The following HSP90B1 variants were observed in gnomAD, a reference collection of about 807,000 sequenced individuals.
HSP90B1 encodes the protein heat shock protein 90 beta family member 1, also known as endoplasmin.
HSP90B1 carries 27 observed loss-of-function variants against 100.4 expected under a neutral mutation model. That is an observed-to-expected ratio of 0.27 (90% CI 0.20 to 0.37). The LOEUF (loss-of-function observed/expected upper bound fraction) is 0.37, where lower values mean the gene tolerates loss of function less well. HSP90B1 is among the 10% of genes least tolerant of loss of function. The probability of loss-of-function intolerance (pLI) is 1.00; values close to 1 mark genes in which losing one functional copy is unlikely to be tolerated. For synonymous variants in HSP90B1, 304 were observed against 330.8 expected, an observed-to-expected ratio of 0.92 and a Z score of 0.88; for missense variants, 678 against 960.5, an observed-to-expected ratio of 0.71 and a Z score of 3.89.
At position 103,943,390 on chromosome 12, in the gene HSP90B1, T is replaced by C; in HGVS notation, c.1890+71T>C. Reference sequence around the variant, plus strand: ...AAGAGAAAGTTATTTTGTGAACAAATTAAGCTGCAGCTGGTTACTTTGTAA... The same window carrying C: ...AAGAGAAAGTTATTTTGTGAACAAACTAAGCTGCAGCTGGTTACTTTGTAA... On this transcript the variant is annotated intron_variant, in intron 13 of 17. Transcript: ENST00000299767. This position sits in a 1 kb window ranked among gnomAD's most constrained non-coding sequence, Gnocchi z 5.3. 7.1e-7 allele frequency: 1 copy of C among 1,418,034 alleles called. No individual in the cohort carries two copies. Among genetic ancestry groups the C allele is most frequent in the Non-Finnish European group, 9.9e-7 (1 of 1,012,738 alleles). 87.8% of individuals were successfully genotyped at this position (1,418,034 alleles called of 1,614,324 possible). A position where few individuals can be genotyped will look rare whatever the true frequency, so the allele number is the denominator to read the frequency against.
In HSP90B1 at chr12:103,941,429, C is replaced by CTTATA; in HGVS notation, c.1115_1119dup (p.His374IlefsTer54). 6.2e-7 allele frequency: 1 copy of CTTATA among 1,612,376 alleles called. No homozygotes were observed. Among genetic ancestry groups the CTTATA allele is most frequent in the Non-Finnish European group, 8.5e-7 (1 of 1,179,814 alleles). ...CCACAGGAAAGTGATGACCCCATGG[C>CTTATA]TTATATTCACTTTACTGCTGAAGGG... On this transcript the variant is annotated frameshift_variant, in exon 9 of 18. Coordinates refer to ENST00000299767, the MANE Select transcript of HSP90B1 (RefSeq NM_003299.3). LOFTEE classifies it high-confidence loss of function.
intron 14 of HSP90B1, among the ~76,000 whole-genome samples, chr12:103,944,569 TC>T (rs1270714099): frequency 6.6e-6 from 1 of 151,558 alleles, no homozygotes; most frequent in Non-Finnish European, 1.5e-5. Flanking sequence ...TTTTTTTTTT[TC>T]CCCCGAGACA....
Position 103,942,600 on chromosome 12 carries a change from C to A in HSP90B1, c.1448C>A (p.Thr483Asn). The change falls in exon 12 of 18, where the codon ACT becomes AAT. Residue 483 changes from threonine (T) to asparagine (N), a missense_variant. Physicochemically the swap from Thr to Asn is moderately conservative, Grantham distance 65. Coordinates refer to ENST00000299767, the MANE Select transcript of HSP90B1 (RefSeq NM_003299.3). ...ATTGCTGATGATAAATACAATGATA[C>A]TTTTTGGAAAGAATTTGGTACCAAC... ...KKIADDKYND[T>N]FWKEFGTNIK... is the part of the protein sequence containing the mutation. 1 of 1,613,908 alleles carries A rather than the reference C, an allele frequency of 6.2e-7. No homozygotes were observed. The highest frequency in any genetic ancestry group is 1.1e-5 in the South Asian group (1 of 91,074).
At chr12:103,939,238 C>CACAGACACACACCACCA (rs1555271342) in intron 7 of HSP90B1, among the ~76,000 whole-genome samples, 20 of 148,638 alleles carry the variant, frequency 1.3e-4, no homozygotes, top group African/African-American at 4.0e-4. Flanking sequence ...TAGCTAGGAC[C>CACAGACACACACCACCA]ACAGACACAC....
In HSP90B1 at chr12:103,942,555, C is replaced by T. The variant is rs772910819; in HGVS notation, c.1403C>T (p.Thr468Met). Residue 468 changes from threonine to methionine, a missense_variant, in exon 12 of 18, where the codon ACG (threonine) becomes ATG (methionine). Around this residue, in one of 8 missense-constraint regions of HSP90B1, gnomAD observed 170 missense variants for 236.7 expected, o/e 0.72. Coordinates refer to ENST00000299767, the MANE Select transcript of HSP90B1 (RefSeq NM_003299.3). ...ATTAGGAAGAAGCTTGTTCGTAAAA[C>T]GCTGGACATGATCAAGAAGATTGCT... ...KVIRKKLVRK[T>M]LDMIKKIADD... 6 of 1,613,786 alleles carry T rather than the reference C, an allele frequency of 3.7e-6. No individual in the cohort carries two copies. Among genetic ancestry groups the T allele is most frequent in the Non-Finnish European group, 4.2e-6 (5 of 1,179,768 alleles).
chr12:103,943,358 A>G lies in HSP90B1; in HGVS notation c.1890+39A>G. The G allele has an allele frequency of 6.3e-7, 1 of 1,583,572 alleles. No homozygotes were observed. The highest frequency in any genetic ancestry group is 1.3e-5 in the African/African-American group (1 of 74,138). ...TACAAATTGTGGAAATATTAGTATC[A>G]GCATTTAAGAGAAAGTTATTTTGTG... is the stretch of plus-strand genomic sequence containing the variant. On this transcript the variant is annotated intron_variant, in intron 13 of 17. Transcript: ENST00000299767. This position sits in a 1 kb window ranked among gnomAD's most constrained non-coding sequence, Gnocchi z 5.3.
Position 103,947,773 on chromosome 12 carries a change from C to A in HSP90B1, c.*111C>A. The A allele has an allele frequency of 1.1e-6, 1 of 935,138 alleles. No homozygotes were observed. Among genetic ancestry groups the A allele is most frequent in the South Asian group, 1.4e-5 (1 of 73,226 alleles). The allele number at this position is 935,138 out of a possible 1,614,324, so 57.9% of individuals were successfully genotyped here. A position where few individuals can be genotyped will look rare whatever the true frequency, so the allele number is the denominator to read the frequency against. On this transcript the variant is annotated 3_prime_UTR_variant, in exon 18 of 18. Coordinates refer to ENST00000299767, the MANE Select transcript of HSP90B1 (RefSeq NM_003299.3). Reference sequence around the variant, plus strand: ...CCCCCTAATCCCCTTCTCCCCTGCACTGTAAAATGTGGGATTATGGGTCAC... The same window carrying A: ...CCCCCTAATCCCCTTCTCCCCTGCAATGTAAAATGTGGGATTATGGGTCAC...
At position 103,943,224 on chromosome 12, in the gene HSP90B1, G is replaced by C; in HGVS notation, c.1795G>C (p.Asp599His). The C allele has an allele frequency of 6.2e-7, 1 of 1,614,158 alleles. No individual in the cohort carries two copies. Among genetic ancestry groups the C allele is most frequent in the South Asian group, 1.1e-5 (1 of 91,086 alleles). ...QNVAKEGVKF[D>H]ESEKTKESRE... The stretch of plus-strand genomic sequence containing the variant: ...TGTTGCCAAGGAAGGAGTGAAGTTC[G>C]ATGAAAGTGAGAAAACTAAGGAGAG... The change falls in exon 13 of 18, where the codon GAT becomes CAT. Residue 599 changes from aspartate to histidine, a missense_variant. Around this residue, in one of 8 missense-constraint regions of HSP90B1, gnomAD observed 170 missense variants for 236.7 expected, o/e 0.72. Coordinates refer to ENST00000299767, the MANE Select transcript of HSP90B1 (RefSeq NM_003299.3). The surrounding 1 kb of genome is among the most constrained non-coding windows in gnomAD (Gnocchi z 5.3).
At position 103,934,300 on chromosome 12, in the gene HSP90B1, A is replaced by G. The variant is rs1869844479; in HGVS notation, c.743+13A>G. 1 of 1,582,630 alleles carries G rather than the reference A, an allele frequency of 6.3e-7. No individual in the cohort carries two copies. The highest frequency in any genetic ancestry group is 1.3e-5 in the African/African-American group (1 of 74,232). On this transcript the variant is annotated intron_variant, in intron 5 of 17. Transcript: ENST00000299767. ...GAACGACAATTACGTGAGTATGACCAATTCCTTATAAGAATTAATAGTCAT... is the reference window on the plus strand; with the variant it reads ...GAACGACAATTACGTGAGTATGACCGATTCCTTATAAGAATTAATAGTCAT...
chr12:103,941,266 T>C, intron 8 of HSP90B1, 144 bp from the exon 9 acceptor site: 1 of 702,340 alleles, frequency 1.4e-6, no homozygotes, highest in Non-Finnish European at 2.4e-6. Context: ...CCCTTTTCTT[T>C]CTCTTCCCCA....
At chr12:103,936,173 C>G (rs1452189180) in intron 5 of HSP90B1, among the ~76,000 whole-genome samples, 1 of 152,096 alleles carries the variant, frequency 6.6e-6, no homozygotes, top group Non-Finnish European at 1.5e-5. Flanking sequence ...ATATTCTTAG[C>G]CTAGATCAGG....
At chr12:103,945,644 A>G (rs1206665044) in intron 14 of HSP90B1, among the ~76,000 whole-genome samples, 6 of 152,216 alleles carry the variant, frequency 3.9e-5, no homozygotes, top group African/African-American at 1.4e-4. Context: ...GAATAAACTA[A>G]GAGGGAACAA....
Position 103,930,462 on chromosome 12 carries a change from G to T in HSP90B1, c.-54G>T, listed in dbSNP as rs570582307. On this transcript the variant is annotated 5_prime_UTR_variant, in exon 1 of 18. Coordinates refer to ENST00000299767, the MANE Select transcript of HSP90B1 (RefSeq NM_003299.3). The surrounding 1 kb of genome is among the most constrained non-coding windows in gnomAD (Gnocchi z 4.4). ...TGAGGATCCGAACCCAGGGGTGGGG[G>T]GTGGAGGCGGCTCCTGCGATCGAAG... 1.3e-6 allele frequency: 2 copies of T among 1,540,602 alleles called. No homozygotes were observed. Among genetic ancestry groups the T allele is most frequent in the East Asian group, 4.9e-5 (2 of 41,100 alleles).
chr12:103,937,569 T>G (rs1869952731), intron 5 of HSP90B1, 126 bp from the exon 6 acceptor site: 2 of 640,260 alleles, frequency 3.1e-6, no homozygotes, highest in Non-Finnish European at 5.7e-6. Context: ...TGATGGAGAG[T>G]TAACATGAAT....
At chr12:103,944,152 A>G (rs1037102792) in intron 14 of HSP90B1, among the ~76,000 whole-genome samples, 3 of 152,336 alleles carry the variant, frequency 2.0e-5, no homozygotes, top group Admixed American at 6.5e-5. Flanking sequence ...ATTGGATTAT[A>G]TGCTTAGCCT....
intron 1 of HSP90B1, among the ~76,000 whole-genome samples, chr12:103,931,212 C>T (rs1423981874): frequency 1.3e-5 from 2 of 152,174 alleles, no homozygotes; most frequent in East Asian, 3.8e-4. Context: ...TCGGCCTGCG[C>T]GCAACACGTG....
In HSP90B1 at chr12:103,946,010, T is replaced by TGA. The variant is rs568106757; in HGVS notation, c.2028-608_2028-607insGA. Among the ~76,000 whole-genome samples, 6 of 152,024 alleles carry TGA rather than the reference T, an allele frequency of 3.9e-5. No individual in the cohort carries two copies. The South Asian group carries it at 1.2e-3, about 32-fold the overall frequency. On this transcript the variant is annotated intron_variant, in intron 14 of 17. Coordinates refer to ENST00000299767, the MANE Select transcript of HSP90B1 (RefSeq NM_003299.3). ...TCCCATGGATACCAAAATCCACACA[T>TGA]AGTCAAGTCCCTTAGGTAAAGTCGT... is the stretch of plus-strand genomic sequence containing the variant.
In HSP90B1 at chr12:103,934,120, T is replaced by A. The variant is rs757321555; in HGVS notation, c.576T>A (p.Ile192=). ...ATGGCCAGTCAACTTCTGAATTGAT[T>A]GGCCAGTTTGGTGTCGGTTTCTATT... ...QEDGQSTSEL[I]GQFGVGFYSA... The change falls in exon 5 of 18, where the codon ATT becomes ATA. Residue 192 remains isoleucine, a synonymous_variant. Transcript: ENST00000299767. 3.1e-6 allele frequency: 5 copies of A among 1,614,228 alleles called. No individual in the cohort carries two copies. The East Asian group carries it at 1.1e-4, about 36-fold the overall frequency.
rs1593494071 is a variant in HSP90B1 at position 103,947,775 on chromosome 12, G to A, written c.*113G>A. The A allele has an allele frequency of 1.1e-6, 1 of 905,922 alleles. No individual in the cohort carries two copies. Among genetic ancestry groups the A allele is most frequent in the Non-Finnish European group, 1.8e-6 (1 of 548,690 alleles). 56.1% of individuals were successfully genotyped at this position (905,922 alleles called of 1,614,324 possible). A position where few individuals can be genotyped will look rare whatever the true frequency, so the allele number is the denominator to read the frequency against. On this transcript the variant is annotated 3_prime_UTR_variant, in exon 18 of 18. Transcript: ENST00000299767. ...CCCTAATCCCCTTCTCCCCTGCACTGTAAAATGTGGGATTATGGGTCACAG... is the reference window on the plus strand; with the variant it reads ...CCCTAATCCCCTTCTCCCCTGCACTATAAAATGTGGGATTATGGGTCACAG...
Sources: allele counts gnomAD v4.1 joint callset (sites outside exome capture counted in the v4.1 genomes callset), GRCh38; gene constraint gnomAD v4.1.1; regional missense constraint gnomAD v4.1.1; non-coding constraint Gnocchi (gnomAD v3.1); transcripts MANE v1.5; gene names NCBI Gene and HGNC (gene_info 2026-07-23, HGNC 2026-07-21).